COL4A6: variants seen among roughly 807,000 people sequenced by gnomAD.
COL4A6 encodes collagen alpha-6(IV) chain.
COL4A6 carries 59 observed loss-of-function variants against 126.7 expected under a neutral mutation model. That is an observed-to-expected ratio of 0.47 (90% CI 0.38 to 0.58). The LOEUF (loss-of-function observed/expected upper bound fraction) is 0.58. Among genes scored for constraint, COL4A6 ranks in the 20% least tolerant of loss-of-function variants. The pLI, the probability that COL4A6 is intolerant of heterozygous loss-of-function variation, is 0.00. For synonymous variants in COL4A6, 547 were observed against 496.6 expected (o/e 1.10, Z -1.35); for missense variants, 1,285 against 1,337.3 (o/e 0.96, Z 0.61).
chrX:108,310,657 A>C, intron 3 of COL4A6, 91 bp downstream of exon 3: 1 of 801,062 alleles, frequency 1.2e-6, no homozygotes, highest in Non-Finnish European at 1.9e-6. Flanking sequence ...TGAGGTCATA[A>C]GAGTAAATTC....
At chrX:108,196,935 C>T in intron 13 of COL4A6, among the ~76,000 whole-genome samples, 1 of 111,944 alleles carries the variant, frequency 8.9e-6, no homozygotes, top group African/African-American at 3.2e-5. Context: ...AAAGCCATAT[C>T]TTGTGTTTTT....
At chrX:108,411,707 A>G (rs965968759) in intron 2 of COL4A6, among the ~76,000 whole-genome samples, 5 of 112,176 alleles carry the variant, frequency 4.5e-5, no homozygotes, top group African/African-American at 1.6e-4. Context: ...CAGGAAAAAC[A>G]GAGAGTGAGA....
intron 23 of COL4A6, chrX:108,183,595 C>A (rs1182294073): frequency 1.1e-5 from 4 of 376,858 alleles, no homozygotes; most frequent in Non-Finnish European, 1.6e-5. Flanking sequence ...TTAGACTCCC[C>A]ACTCCCCAAA....
chrX:108,223,344 C>T (rs776707967), intron 3 of COL4A6, among the ~76,000 whole-genome samples: 2 of 111,315 alleles, frequency 1.8e-5, no homozygotes, highest in African/African-American at 6.6e-5. Context: ...CAAACCTGCA[C>T]GTTCTGCACA....
At chrX:108,202,201 C>T (rs922736002) in intron 13 of COL4A6, among the ~76,000 whole-genome samples, 3 of 111,744 alleles carry the variant, frequency 2.7e-5, no homozygotes, top group Non-Finnish European at 5.6e-5. Flanking sequence ...CACCCTGTTC[C>T]CCATCCACAT....
At chrX:108,191,555 C>G in intron 18 of COL4A6, 22 bp from the exon 19 acceptor site, 1 of 1,199,201 alleles carries the variant, frequency 8.3e-7, no homozygotes, top group South Asian at 1.8e-5. Context: ...AGCCCACACA[C>G]AAATGCTCAT....
intron 3 of COL4A6, among the ~76,000 whole-genome samples, chrX:108,279,407 T>C (rs1275644216): frequency 8.9e-6 from 1 of 111,835 alleles, no homozygotes; most frequent in Admixed American, 9.5e-5. Context: ...GGCCATTACA[T>C]ATTGGTAAAG....
intron 3 of COL4A6, among the ~76,000 whole-genome samples, chrX:108,296,138 G>A (rs749920338): frequency 6.3e-5 from 7 of 111,999 alleles, no homozygotes; most frequent in Non-Finnish European, 1.1e-4. Context: ...TTGTAAAGAT[G>A]GTGGTAGGAG....
intron 3 of COL4A6, among the ~76,000 whole-genome samples, chrX:108,289,902 G>A (rs1247212725): frequency 8.9e-6 from 1 of 111,990 alleles, no homozygotes; most frequent in Non-Finnish European, 1.9e-5. Context: ...TTGCAGGAGC[G>A]AATCTCGTCA....
At chrX:108,251,962 C>T (rs1460107967) in intron 3 of COL4A6, among the ~76,000 whole-genome samples, 2 of 111,497 alleles carry the variant, frequency 1.8e-5, no homozygotes, top group Non-Finnish European at 3.8e-5. Flanking sequence ...CCCTTCAACA[C>T]TTGTCATTTC....
intron 2 of COL4A6, among the ~76,000 whole-genome samples, chrX:108,321,454 G>A (rs1175532677): frequency 9.0e-6 from 1 of 111,366 alleles, no homozygotes; most frequent in Non-Finnish European, 1.9e-5. Flanking sequence ...GTTGACAGGT[G>A]CCTATTTGGG....
chrX:108,180,987 G>A lies in COL4A6; in HGVS notation c.1952-19C>T, dbSNP rs370936849. 3.3e-4 allele frequency: 386 copies of A among 1,166,502 alleles called. 2 individuals are homozygous for A. Among genetic ancestry groups the A allele is most frequent in the Admixed American group, 2.5e-3 (114 of 45,364 alleles). The stretch of plus-strand genomic sequence containing the variant: ...GTGATTCCTGTAAATGGTAACATGT[G>A]TGCATTCAGTGAACCCAGAGTTAGG... On this transcript the variant is annotated intron_variant, in intron 23 of 44. Transcript: ENST00000334504.
chrX:108,352,418 C>G (rs1386846732), intron 2 of COL4A6, among the ~76,000 whole-genome samples: 4 of 112,431 alleles, frequency 3.6e-5, no homozygotes, highest in Non-Finnish European at 7.5e-5. Flanking sequence ...GAAGGTATCA[C>G]TGTAATCTCA....
intron 3 of COL4A6, chrX:108,268,312 G>A (rs1464502339): frequency 8.9e-6 from 1 of 112,468 alleles, no homozygotes; most frequent in African/African-American, 3.2e-5. Context: ...ATGTGCATCA[G>A]CTAATATTAA....
At chrX:108,168,547 C>A (rs2034201268) in intron 37 of COL4A6, among the ~76,000 whole-genome samples, 1 of 112,197 alleles carries the variant, frequency 8.9e-6, no homozygotes, top group Non-Finnish European at 1.9e-5. Flanking sequence ...ATGATTTCCC[C>A]AGGTAACATG....
At chrX:108,349,015 A>G (rs900713325) in intron 2 of COL4A6, among the ~76,000 whole-genome samples, 15 of 111,368 alleles carry the variant, frequency 1.3e-4, no homozygotes, top group African/African-American at 4.9e-4. Context: ...GTGCCATGAC[A>G]TGGATAAGTT....
At chrX:108,267,319 A>G (rs1204967693) in intron 3 of COL4A6, among the ~76,000 whole-genome samples, 2 of 112,389 alleles carry the variant, frequency 1.8e-5, no homozygotes, top group African/African-American at 3.2e-5. Flanking sequence ...CTGATTAGCA[A>G]CCTTAATTCC....
chrX:108,429,945 A>C (rs780817099), intron 2 of COL4A6, among the ~76,000 whole-genome samples: 20 of 111,758 alleles, frequency 1.8e-4, no homozygotes, highest in Non-Finnish European at 2.8e-4. Flanking sequence ...ACTCATTTGA[A>C]AGTCATCTCT....
At chrX:108,338,650 G>A (rs771878416) in intron 2 of COL4A6, among the ~76,000 whole-genome samples, 1 of 111,684 alleles carries the variant, frequency 9.0e-6, no homozygotes, top group Admixed American at 9.5e-5. Flanking sequence ...GCCCCTTTGG[G>A]TGAGCTGTCT....
Sources: gnomAD v4.1 joint callset for allele counts (sites outside exome capture counted in the v4.1 genomes callset) on GRCh38, gnomAD v4.1.1 for gene constraint, MANE v1.5 for transcripts, NCBI Gene and HGNC (gene_info 2026-07-23, HGNC 2026-07-21) for gene names.